The following IGFALS variants were observed in gnomAD, a reference collection of about 807,000 sequenced individuals.
IGFALS encodes insulin like growth factor binding protein acid labile subunit.
IGFALS carries 2 observed loss-of-function variants against 2.6 expected under a neutral mutation model. The ratio of observed to expected loss-of-function variants is 0.77; its 90% CI spans 0.32 to 2.44. The LOEUF (loss-of-function observed/expected upper bound fraction) is 2.44. Ranked by LOEUF, IGFALS falls within the 30% of genes most tolerant of loss-of-function variation. The pLI is 0.11. For missense variants in IGFALS, 996 were observed against 848.7 expected, an observed-to-expected ratio of 1.17 and a Z score of -2.16; for synonymous variants, 519 against 431.9, an observed-to-expected ratio of 1.20 and a Z score of -2.50.
chr16:1,793,325 T>C (rs2142013479), intron 1 of IGFALS, among the ~76,000 whole-genome samples: 1 of 152,114 alleles, frequency 6.6e-6, no homozygotes, highest in African/African-American at 2.4e-5. Flanking sequence ...ACGCGGGCCG[T>C]GCGGGGCACT....
In IGFALS at chr16:1,791,737, C is replaced by G. The variant is rs376117672; in HGVS notation, c.681G>C (p.Arg227Ser). 72 of 1,554,198 alleles carry G rather than the reference C, an allele frequency of 4.6e-5. No individual in the cohort carries two copies. The highest frequency in any genetic ancestry group is 6.0e-5 in the Non-Finnish European group (69 of 1,154,080). Residue 227 changes from arginine to serine, a missense_variant, in exon 2 of 2, where the codon AGG becomes AGC. Coordinates refer to ENST00000215539, the MANE Select transcript of IGFALS (RefSeq NM_004970.3). ...LAELRELDLS[R>S]NALRAIKANV... is the part of the protein sequence containing the mutation. Reference sequence around the variant, plus strand: ...TTGCCTTGATGGCCCGCAGCGCGTTCCTGCTCAGGTCCAGCTCCCGGAGCT... The same window carrying G: ...TTGCCTTGATGGCCCGCAGCGCGTTGCTGCTCAGGTCCAGCTCCCGGAGCT...
rs998100500 is a variant in IGFALS, at chr16:1,793,675, G to T, written c.-23C>A. 6.3e-6 allele frequency: 10 copies of T among 1,583,812 alleles called. No homozygotes were observed. Among genetic ancestry groups the T allele is most frequent in the Non-Finnish European group, 8.6e-6 (10 of 1,164,304 alleles). ...CATCCTGCATGCAGGGCAGGCTGCA[G>T]GCAGGCAGCGAGGGAGGGTACGTCT... On this transcript the variant is annotated 5_prime_UTR_variant, in exon 1 of 2. The change creates a new upstream start codon in the 5' untranslated region. Transcript: ENST00000215539.
Position 1,791,485 on chromosome 16 carries a change from C to T in IGFALS, c.933G>A (p.Lys311=), listed in dbSNP as rs1461464085. The T allele has an allele frequency of 1.9e-6, 3 of 1,611,714 alleles. No homozygotes were observed. Among genetic ancestry groups the T allele is most frequent in the East Asian group, 2.2e-5 (1 of 44,834 alleles). Residue 311 remains lysine (K), a synonymous_variant, in exon 2 of 2, where the codon AAG becomes AAA. Coordinates refer to ENST00000215539, the MANE Select transcript of IGFALS (RefSeq NM_004970.3). ...AIASLRPRTF[K]DLHFLEELQL... ...GCAGCTCCTCCAGGAAGTGCAGGTC[C>T]TTGAAGGTGCGGGGCCGCAGGCTGG...
At position 1,792,428 on chromosome 16, in the gene IGFALS, GGCCCGAGGAGGGCTCT is replaced by G. The variant is rs1040577706; in HGVS notation, c.17-43_17-28del. 2.6e-6 allele frequency: 4 copies of G among 1,520,962 alleles called. No individual in the cohort carries two copies. In the African/African-American group the frequency reaches 5.5e-5, roughly 21 times the overall value. 94.2% of individuals were successfully genotyped at this position (1,520,962 alleles called of 1,614,324 possible). ...TGCGGGGGGAGAGGCTTGGGGAGGC[GGCCCGAGGAGGGCTCT>G]GCCCGAGTGAGCCTGATACCAGCAC... On this transcript the variant is annotated intron_variant, in intron 1 of 1. Transcript: ENST00000215539.
Position 1,793,557 on chromosome 16 carries a change from A to G in IGFALS, c.16+80T>C. ...GCCCCCCAGAGCTTCCTTGGGGGCT[A>G]CCCCGGCCTCTCCCCAGCGGGCTCA... On this transcript the variant is annotated intron_variant, in intron 1 of 1. Coordinates refer to ENST00000215539, the MANE Select transcript of IGFALS (RefSeq NM_004970.3). 2.1e-6 allele frequency: 3 copies of G among 1,415,398 alleles called. No individual in the cohort carries two copies. The East Asian group carries it at 7.5e-5, about 36-fold the overall frequency. 87.7% of individuals were successfully genotyped at this position (1,415,398 alleles called of 1,614,324 possible).
At chr16:1,794,734 A>G, upstream of IGFALS, 1 of 656,902 alleles carries the variant, frequency 1.5e-6, no homozygotes, top group Non-Finnish European at 2.8e-6. Context: ...GCAGTGGGAA[A>G]GTGTGCAGGG....
rs886051776 is a variant in IGFALS at position 1,790,952 on chromosome 16, A to G, written c.1466T>C (p.Val489Ala). 5 of 1,595,986 alleles carry G rather than the reference A, an allele frequency of 3.1e-6. No individual in the cohort carries two copies. The highest frequency in any genetic ancestry group is 4.2e-6 in the Non-Finnish European group (5 of 1,178,546). ...GPLQRAFWLD[V>A]SHNRLEALPN... ...CAATGCCTCCAGGCGGTTGTGCGAG[A>G]CGTCCAGCCAGAAGGCCCGCTGCAG... Residue 489 changes from valine to alanine, a missense_variant, in exon 2 of 2, where the codon GTC becomes GCC. Physicochemically the swap from Val to Ala is moderately conservative, Grantham distance 64. Transcript: ENST00000215539.
chr16:1,793,903 C>T (rs1176937160), upstream of IGFALS: 2 of 417,308 alleles, frequency 4.8e-6, no homozygotes, highest in Non-Finnish European at 8.5e-6. Flanking sequence ...TAATGCGGCC[C>T]TGGGGGCTGA....
chr16:1,792,532 C>A, intron 1 of IGFALS, 131 bp from the exon 2 acceptor site: 1 of 1,425,408 alleles, frequency 7.0e-7, no homozygotes, highest in East Asian at 2.5e-5. Context: ...TGCGAAGAAG[C>A]CGGTGAGCCC....
In IGFALS at chr16:1,793,696, C is replaced by G. The variant is rs763967803; in HGVS notation, c.-44G>C. Reference sequence around the variant, plus strand: ...TGCAGGCAGGCAGCGAGGGAGGGTACGTCTGCTGTGCCGGCCACCCCTGCC... The same window carrying G: ...TGCAGGCAGGCAGCGAGGGAGGGTAGGTCTGCTGTGCCGGCCACCCCTGCC... On this transcript the variant is annotated 5_prime_UTR_variant, in exon 1 of 2. Coordinates refer to ENST00000215539, the MANE Select transcript of IGFALS (RefSeq NM_004970.3). The G allele has an allele frequency of 5.7e-6, 9 of 1,565,956 alleles. No homozygotes were observed. The South Asian group carries it at 7.0e-5, about 12-fold the overall frequency.
rs777527121 is a variant in IGFALS, at chr16:1,793,636, C to G, written c.16+1G>C. The G allele has an allele frequency of 2.5e-6, 4 of 1,596,788 alleles. No homozygotes were observed. The highest frequency in any genetic ancestry group is 2.7e-5 in the African/African-American group (2 of 74,510). On this transcript the variant is annotated splice_donor_variant, in intron 1 of 1. Coordinates refer to ENST00000215539, the MANE Select transcript of IGFALS (RefSeq NM_004970.3). LOFTEE classifies it high-confidence loss of function. ...GGTGGCGGGGCACTCGGGGGCCTCA[C>G]CTTTCCTCAGGGCCATCCTGCATGC...
At chr16:1,792,573 G>A (rs1257469599) in intron 1 of IGFALS, 172 bp from the exon 2 acceptor site, 3 of 1,276,232 alleles carry the variant, frequency 2.4e-6, no homozygotes, top group Non-Finnish European at 3.1e-6. Flanking sequence ...AGCTGACACT[G>A]CGCTTCCCAC....
chr16:1,793,589 C>T (rs1173586859), intron 1 of IGFALS, 48 bp downstream of exon 1: 1 of 1,576,828 alleles, frequency 6.3e-7, no homozygotes, highest in Non-Finnish European at 8.6e-7. Flanking sequence ...CTCAGGGTCA[C>T]AGACTGGCCA....
chr16:1,793,036 GCCACAGGCC>G (rs1897268595), intron 1 of IGFALS, among the ~76,000 whole-genome samples: 1 of 152,192 alleles, frequency 6.6e-6, no homozygotes, highest in Non-Finnish European at 1.5e-5. Flanking sequence ...AGGACAAGGG[GCCACAGGCC>G]CCACAGACCC....
Position 1,792,134 on chromosome 16 carries a change from T to C in IGFALS, c.284A>G (p.Gln95Arg), listed in dbSNP as rs760977465. Reference protein sequence around the residue: ...NLSSVPPAAFQNLSSLGFLNL... With the variant: ...NLSSVPPAAFRNLSSLGFLNL... Reference sequence around the variant, plus strand: ...GAGGAAGCCCAGGCTGGAGAGGTTCTGGAAGGCTGCCGGGGGGACGGACGA... The same window carrying C: ...GAGGAAGCCCAGGCTGGAGAGGTTCCGGAAGGCTGCCGGGGGGACGGACGA... Residue 95 changes from glutamine to arginine, a missense_variant, in exon 2 of 2, where the codon CAG becomes CGG. Gln to Arg is a conservative substitution (Grantham distance 43). Transcript: ENST00000215539. The C allele has an allele frequency of 4.3e-5, 69 of 1,611,434 alleles. No homozygotes were observed. The highest frequency in any genetic ancestry group is 5.8e-5 in the Non-Finnish European group (68 of 1,179,674).
At position 1,791,439 on chromosome 16, in the gene IGFALS, G is replaced by C. The variant is rs373711888; in HGVS notation, c.979C>G (p.Arg327Gly). 6.2e-7 allele frequency: 1 copy of C among 1,612,324 alleles called. No individual in the cohort carries two copies. Among genetic ancestry groups the C allele is most frequent in the Non-Finnish European group, 8.5e-7 (1 of 1,179,940 alleles). Residue 327 changes from arginine to glycine, a missense_variant, in exon 2 of 2, where the codon CGG (arginine) becomes GGG (glycine). By Grantham distance (125) the Arg-to-Gly change is moderately radical. Transcript: ENST00000215539. Reference protein sequence around the residue: ...EELQLGHNRIRQLAERSFEGL... With the variant: ...EELQLGHNRIGQLAERSFEGL... ...TCAAAGCTGCGCTCAGCCAGCTGCC[G>C]GATGCGGTTGTGGCCCAGCTGCAGC...
rs375218525 is a variant in IGFALS, at chr16:1,792,171, C to G, written c.247G>C (p.Gly83Arg). Residue 83 changes from glycine (G) to arginine (R), a missense_variant, in exon 2 of 2, where the codon GGC becomes CGC. Physicochemically the swap from Gly to Arg is moderately radical, Grantham distance 125 (BLOSUM62 -2). Coordinates refer to ENST00000215539, the MANE Select transcript of IGFALS (RefSeq NM_004970.3). ...PGGTQALWLDGNNLSSVPPAA... is the reference protein window; with the variant it reads ...PGGTQALWLDRNNLSSVPPAA... ...GGGGGGACGGACGAGAGGTTGTTGC[C>G]GTCCAGCCACAGGGCTTGGGTGCCG... The G allele has an allele frequency of 4.8e-5, 77 of 1,611,202 alleles. No homozygotes were observed. Among genetic ancestry groups the G allele is most frequent in the Non-Finnish European group, 6.4e-5 (75 of 1,179,662 alleles).
Position 1,792,291 on chromosome 16 carries a change from C to G in IGFALS, c.127G>C (p.Ala43Pro). ...PGEAEGPACP[A>P]ACVCSYDDDA... The stretch of plus-strand genomic sequence containing the variant: ...TCATCGTAGCTGCAGACACAGGCGG[C>G]CGGGCACGCTGGGCCCTCGGCTTCC... The change falls in exon 2 of 2, where the codon GCC becomes CCC. Residue 43 changes from alanine (A) to proline (P), a missense_variant. By Grantham distance (27) the Ala-to-Pro change is conservative. Transcript: ENST00000215539. 1 of 1,599,208 alleles carries G rather than the reference C, an allele frequency of 6.3e-7. No individual in the cohort carries two copies.
chr16:1,793,811 G>A (rs1328878447), upstream of IGFALS: 27 of 646,460 alleles, frequency 4.2e-5, no homozygotes, highest in Admixed American at 2.1e-4. Flanking sequence ...CCCTCGTGCC[G>A]GGCGGCCGGC....
Sources: gnomAD v4.1 joint callset for allele counts (sites outside exome capture counted in the v4.1 genomes callset) on GRCh38, gnomAD v4.1.1 for gene constraint, MANE v1.5 for transcripts, NCBI Gene and HGNC (gene_info 2026-07-23, HGNC 2026-07-21) for gene names.